Variants in SLC6A11 observed in about 807,000 individuals in gnomAD.
SLC6A11 encodes sodium- and chloride-dependent GABA transporter 3.
SLC6A11 carries 25 observed loss-of-function variants against 74.8 expected under a neutral mutation model. The observed-to-expected ratio is 0.33, with a 90% confidence interval of 0.24 to 0.47. The LOEUF is 0.47. SLC6A11 is among the 20% of genes least tolerant of loss of function. SLC6A11 has a pLI of 1.00. For synonymous variants in SLC6A11, 330 were observed against 330.2 expected, an observed-to-expected ratio of 1.00 and a Z score of 0.01; for missense variants, 574 against 837.0, an observed-to-expected ratio of 0.69 and a Z score of 3.88.
Position 10,926,077 on chromosome 3 carries a change from G to A in SLC6A11, c.1194G>A (p.Leu398=), listed in dbSNP as rs752519185. The A allele has an allele frequency of 6.2e-6, 10 of 1,613,614 alleles. No homozygotes were observed. Among genetic ancestry groups the A allele is most frequent in the Non-Finnish European group, 7.6e-6 (9 of 1,179,638 alleles). The part of the protein sequence containing the change: ...MMPLSPLWAT[L]FFMMLIFLGL... Reference sequence around the variant, plus strand: ...CTCTCTCCCCGCTGTGGGCCACCTTGTTCTTCATGATGCTCATCTTCCTGG... The same window carrying A: ...CTCTCTCCCCGCTGTGGGCCACCTTATTCTTCATGATGCTCATCTTCCTGG... The change falls in exon 9 of 14, where the codon TTG becomes TTA. Residue 398 remains leucine (L), a synonymous_variant. Coordinates refer to ENST00000254488, the MANE Select transcript of SLC6A11 (RefSeq NM_014229.3). The surrounding 1 kb of genome is among the most constrained non-coding windows in gnomAD (Gnocchi z 5.7).
intron 6 of SLC6A11, among the ~76,000 whole-genome samples, chr3:10,910,828 T>TG (rs1302070797): frequency 6.7e-6 from 1 of 150,310 alleles, no homozygotes; most frequent in African/African-American, 2.5e-5. Flanking sequence ...AATTTTTTTT[T>TG]TTTTTTTTTT....
At chr3:10,895,811 T>C (rs538300503) in intron 6 of SLC6A11, among the ~76,000 whole-genome samples, 8 of 152,114 alleles carry the variant, frequency 5.3e-5, no homozygotes, top group Non-Finnish European at 1.0e-4. Flanking sequence ...TCAGGATAAA[T>C]AGCTAATGCA....
intron 8 of SLC6A11, among the ~76,000 whole-genome samples, chr3:10,923,250 TAA>T (rs34205263): frequency 2.1e-5 from 3 of 142,420 alleles, no homozygotes; most frequent in African/African-American, 2.6e-5. Context: ...ATTCTTCAAT[TAA>T]AAAAAAAAAA....
chr3:10,934,221 A>G (rs1292810381), intron 12 of SLC6A11, 55 bp downstream of exon 12: 1 of 1,249,520 alleles, frequency 8.0e-7, no homozygotes, highest in Non-Finnish European at 1.2e-6. Context: ...TCTACCCTCC[A>G]ACCCACGTTT....
At chr3:10,843,618 A>G (rs1475163991) in intron 4 of SLC6A11, among the ~76,000 whole-genome samples, 1 of 152,232 alleles carries the variant, frequency 6.6e-6, no homozygotes, top group Non-Finnish European at 1.5e-5. Flanking sequence ...GCTTCAAGCA[A>G]CAAAGTTTAT....
intron 6 of SLC6A11, among the ~76,000 whole-genome samples, chr3:10,904,578 G>T (rs1695279812): frequency 6.6e-6 from 1 of 152,184 alleles, no homozygotes; most frequent in Non-Finnish European, 1.5e-5. Context: ...CCTTCAAATT[G>T]TGTCGAGAAA....
intron 6 of SLC6A11, among the ~76,000 whole-genome samples, chr3:10,903,375 G>A (rs1056211004): frequency 2.0e-5 from 3 of 152,124 alleles, no homozygotes; most frequent in African/African-American, 4.8e-5. Flanking sequence ...CGGGACCCTG[G>A]CCCCTACTGC....
At chr3:10,848,596 A>G (rs4234505) in intron 5 of SLC6A11, among the ~76,000 whole-genome samples, 152,360 of 152,360 alleles carry the variant, frequency 1, 76,180 homozygotes, top group Non-Finnish European at 1. Flanking sequence ...GACATTTGTG[A>G]AATCAGTGAA....
chr3:10,876,902 G>T (rs1694915698), intron 6 of SLC6A11, among the ~76,000 whole-genome samples: 1 of 152,084 alleles, frequency 6.6e-6, no homozygotes, highest in African/African-American at 2.4e-5. Flanking sequence ...AGAGCACATT[G>T]GTCTGAGAGT....
At chr3:10,842,546 CA>C (rs1694451414) in intron 4 of SLC6A11, among the ~76,000 whole-genome samples, 1 of 152,214 alleles carries the variant, frequency 6.6e-6, no homozygotes, top group Non-Finnish European at 1.5e-5. Flanking sequence ...ACTGCTAAGA[CA>C]TAGGAAGCAA....
At chr3:10,861,571 TA>T (rs1303755645) in intron 5 of SLC6A11, among the ~76,000 whole-genome samples, 2 of 151,806 alleles carry the variant, frequency 1.3e-5, no homozygotes, top group Non-Finnish European at 2.9e-5. Flanking sequence ...GAAAGAGACT[TA>T]AAAAAATCAT....
chr3:10,820,794 A>G (rs1359256853), intron 3 of SLC6A11, among the ~76,000 whole-genome samples: 2 of 152,118 alleles, frequency 1.3e-5, no homozygotes, highest in Non-Finnish European at 2.9e-5. Flanking sequence ...CCCTTCTCCA[A>G]TAGTGCTCCA....
chr3:10,858,979 A>G (rs1392205759), intron 5 of SLC6A11, among the ~76,000 whole-genome samples: 1 of 152,218 alleles, frequency 6.6e-6, no homozygotes, highest in Admixed American at 6.5e-5. Context: ...ATGAAGAGAA[A>G]CAGGCTGGAT....
At chr3:10,860,207 G>A (rs1694686861) in intron 5 of SLC6A11, among the ~76,000 whole-genome samples, 1 of 152,120 alleles carries the variant, frequency 6.6e-6, no homozygotes, top group Non-Finnish European at 1.5e-5. Flanking sequence ...ATCTCACACA[G>A]CAATTGACTA....
intron 6 of SLC6A11, among the ~76,000 whole-genome samples, chr3:10,879,389 A>C (rs1694948279): frequency 6.6e-6 from 1 of 152,178 alleles, no homozygotes; most frequent in Non-Finnish European, 1.5e-5. Flanking sequence ...TGCTGCAGGA[A>C]GAAGCCCAGT....
At position 10,816,252 on chromosome 3, in the gene SLC6A11, C is replaced by G; in HGVS notation, c.-14C>G. On this transcript the variant is annotated 5_prime_UTR_variant, in exon 1 of 14. Transcript: ENST00000254488. This position sits in a 1 kb window ranked among gnomAD's most constrained non-coding sequence, Gnocchi z 4.2. The stretch of plus-strand genomic sequence containing the variant: ...CGCAGAGCCGGGCCGGCGCACGAGG[C>G]AGCCAGCGCGGCCATGACGGCGGAG... 1.5e-6 allele frequency: 2 copies of G among 1,312,770 alleles called. No individual in the cohort carries two copies. The highest frequency in any genetic ancestry group is 2.4e-5 in the South Asian group (1 of 42,372). The allele number at this position is 1,312,770 out of a possible 1,614,324, so 81.3% of individuals were successfully genotyped here. A position where few individuals can be genotyped will look rare whatever the true frequency, so the allele number is the denominator to read the frequency against.
chr3:10,827,653 G>C (rs1694231657), intron 4 of SLC6A11, among the ~76,000 whole-genome samples: 1 of 152,156 alleles, frequency 6.6e-6, no homozygotes, highest in African/African-American at 2.4e-5. Flanking sequence ...ACAAACATCT[G>C]AGCTCCTGGT....
At position 10,939,767 on chromosome 3, in the gene SLC6A11, C is replaced by A. The variant is rs1559591380; in HGVS notation, c.*1365C>A. ...CTCACTAGAGGGAAGACCTGGGCAT[C>A]CTGCTGGCTCCTCTCTCCGTGGGGC... On this transcript the variant is annotated 3_prime_UTR_variant, in exon 14 of 14. Coordinates refer to ENST00000254488, the MANE Select transcript of SLC6A11 (RefSeq NM_014229.3). 2 of 152,382 alleles carry A rather than the reference C, an allele frequency of 1.3e-5. No individual in the cohort carries two copies. The highest frequency in any genetic ancestry group is 2.1e-4 in the South Asian group (1 of 4,822). 9.4% of individuals were successfully genotyped at this position (152,382 alleles called of 1,614,324 possible).
chr3:10,869,003 A>G (rs1694798067), intron 5 of SLC6A11, among the ~76,000 whole-genome samples: 1 of 152,256 alleles, frequency 6.6e-6, no homozygotes, highest in Non-Finnish European at 1.5e-5. Flanking sequence ...AGCACAAAGC[A>G]GTGTTCCTAA....
Sources: gnomAD v4.1 joint callset for allele counts (sites outside exome capture counted in the v4.1 genomes callset) on GRCh38, gnomAD v4.1.1 for gene constraint, Gnocchi (gnomAD v3.1) non-coding constraint, MANE v1.5 for transcripts, NCBI Gene and HGNC (gene_info 2026-07-23, HGNC 2026-07-21) for gene names.